The following RHEX variants were observed in gnomAD, a reference collection of about 807,000 sequenced individuals.
RHEX encodes the protein regulator of hemoglobinization and erythroid cell expansion, also known as regulator of hemoglobinization and erythroid cell expansion protein.
A neutral mutation model predicts 20.1 loss-of-function variants in RHEX; 18 were observed. That is an observed-to-expected ratio of 0.90 (90% CI 0.62 to 1.33). The LOEUF (loss-of-function observed/expected upper bound fraction) is 1.33. Among genes scored for constraint, RHEX ranks in the 40% most tolerant of loss-of-function variants. The pLI, the probability that RHEX is intolerant of heterozygous loss-of-function variation, is 0.00. For missense variants in RHEX, 192 were observed against 214.3 expected (o/e 0.90, Z 0.65); for synonymous variants, 87 against 77.1 (o/e 1.13, Z -0.67).
At chr1:206,091,743 G>A (rs1391708703) in intron 1 of RHEX, among the ~76,000 whole-genome samples, 1 of 152,132 alleles carries the variant, frequency 6.6e-6, no homozygotes, top group Non-Finnish European at 1.5e-5. Context: ...TATTTTTGTA[G>A]AGTGAGAGGA....
At chr1:206,079,100 A>T (rs1662690811) in intron 1 of RHEX, among the ~76,000 whole-genome samples, 1 of 152,232 alleles carries the variant, frequency 6.6e-6, no homozygotes, top group South Asian at 2.1e-4. Flanking sequence ...TTCATGATAT[A>T]TTCCTTGTAA....
chr1:206,075,725 C>T (rs547428569), intron 1 of RHEX, among the ~76,000 whole-genome samples: 4 of 151,890 alleles, frequency 2.6e-5, no homozygotes, highest in Non-Finnish European at 4.4e-5. Context: ...CTCAGCCTCC[C>T]GGTAGCTGGG....
At chr1:206,057,838 G>C (rs1662223395) in intron 1 of RHEX, among the ~76,000 whole-genome samples, 1 of 152,238 alleles carries the variant, frequency 6.6e-6, no homozygotes, top group Non-Finnish European at 1.5e-5. Flanking sequence ...TGTCTCATGG[G>C]GATATGGAAC....
intron 1 of RHEX, among the ~76,000 whole-genome samples, chr1:206,091,148 C>T (rs1207482927): frequency 6.6e-6 from 1 of 152,106 alleles, no homozygotes; most frequent in Non-Finnish European, 1.5e-5. Flanking sequence ...TTAGTTTTGT[C>T]CTCTGTTAAT....
intron 2 of RHEX, 121 bp downstream of exon 2, chr1:206,097,960 G>A: frequency 8.5e-7 from 1 of 1,170,394 alleles, no homozygotes; most frequent in Non-Finnish European, 1.3e-6. Flanking sequence ...AGAGGCAAAG[G>A]GACCTACCCT....
At chr1:206,055,974 CAT>C (rs1288512623) in intron 1 of RHEX, among the ~76,000 whole-genome samples, 1 of 152,274 alleles carries the variant, frequency 6.6e-6, no homozygotes, top group Non-Finnish European at 1.5e-5. Flanking sequence ...AAAACCTAAA[CAT>C]AAAGTCCCCC....
Position 206,095,109 on chromosome 1 carries a change from A to C in RHEX, c.-96-2624A>C, listed in dbSNP as rs1663038377. ...AGACAATAAGGACTTGTCTGGCTCC[A>C]AATGTCAGATACTACCGAGAAACAC... On this transcript the variant is annotated intron_variant, in intron 1 of 5. Transcript: ENST00000331555. Among the ~76,000 whole-genome samples, 4 of 152,152 alleles carry C rather than the reference A, an allele frequency of 2.6e-5. No individual in the cohort carries two copies. The South Asian group carries it at 8.3e-4, about 32-fold the overall frequency.
chr1:206,070,213 A>T (rs1662500269), intron 1 of RHEX, among the ~76,000 whole-genome samples: 1 of 152,086 alleles, frequency 6.6e-6, no homozygotes, highest in African/African-American at 2.4e-5. Context: ...CCCTCAGTAG[A>T]AGGGTCTATA....
chr1:206,091,944 A>G (rs995769962), intron 1 of RHEX, among the ~76,000 whole-genome samples: 2 of 152,116 alleles, frequency 1.3e-5, no homozygotes, highest in Admixed American at 1.3e-4. Context: ...TGTTCCTTAA[A>G]AGTTTGAAAC....
At position 206,100,813 on chromosome 1, in the gene RHEX, C is replaced by G. The variant is rs1260049907; in HGVS notation, c.257-323C>G. Among the ~76,000 whole-genome samples, 7 of 152,352 alleles carry G rather than the reference C, an allele frequency of 4.6e-5. No individual in the cohort carries two copies. The East Asian group carries it at 1.3e-3, about 29-fold the overall frequency. On this transcript the variant is annotated intron_variant, in intron 4 of 5. Coordinates refer to ENST00000331555, the MANE Select transcript of RHEX (RefSeq NM_001007544.4). ...CCTCCTGACTTTTCTTTCTGGAAGACAGCCCTTTCCAAGCACAGTCAACCT... is the reference window on the plus strand; with the variant it reads ...CCTCCTGACTTTTCTTTCTGGAAGAGAGCCCTTTCCAAGCACAGTCAACCT...
chr1:206,057,652 A>AT (rs1270231152), intron 1 of RHEX, among the ~76,000 whole-genome samples: 3 of 152,266 alleles, frequency 2.0e-5, no homozygotes, highest in African/African-American at 7.2e-5. Flanking sequence ...TAGCTGTGTA[A>AT]TTGGCACCAT....
At chr1:206,053,538 TG>T (rs1182440178) in intron 1 of RHEX, among the ~76,000 whole-genome samples, 1 of 152,184 alleles carries the variant, frequency 6.6e-6, no homozygotes, top group Non-Finnish European at 1.5e-5. Context: ...TGTGGTGTTT[TG>T]TCTCGAAGAA....
At chr1:206,070,034 G>A (rs1662497751) in intron 1 of RHEX, among the ~76,000 whole-genome samples, 2 of 150,912 alleles carry the variant, frequency 1.3e-5, no homozygotes, top group African/African-American at 4.9e-5. Context: ...GAAAAAAATA[G>A]CATTTACTAT....
intron 1 of RHEX, among the ~76,000 whole-genome samples, chr1:206,093,792 A>G (rs1663008360): frequency 6.6e-6 from 1 of 152,138 alleles, no homozygotes; most frequent in African/African-American, 2.4e-5. Flanking sequence ...GCCTTAACTC[A>G]AGTCTGAAGC....
chr1:206,070,322 G>T (rs993969023), intron 1 of RHEX, among the ~76,000 whole-genome samples: 2 of 152,204 alleles, frequency 1.3e-5, no homozygotes, highest in Admixed American at 6.5e-5. Context: ...AGTGCATTTT[G>T]CAGAATGAGT....
At position 206,101,829 on chromosome 1, in the gene RHEX, T is replaced by TGA; in HGVS notation, c.399_400dup (p.Asn134ArgfsTer3). 1 of 1,613,942 alleles carries TGA rather than the reference T, an allele frequency of 6.2e-7. No homozygotes were observed. On this transcript the variant is annotated frameshift_variant, in exon 6 of 6. Transcript: ENST00000331555. LOFTEE classifies it high-confidence loss of function. ...TAAAAAATGACTCCCCGCTGGACTA[T>TGA]GAGAACATAAAGGAAATCACAGATT...
chr1:206,099,728 A>G lies in RHEX; in HGVS notation c.186A>G (p.Pro62=). The G allele has an allele frequency of 6.2e-7, 1 of 1,613,872 alleles. No homozygotes were observed. The highest frequency in any genetic ancestry group is 8.5e-7 in the Non-Finnish European group (1 of 1,179,816). The change falls in exon 4 of 6, where the codon CCA becomes CCG. Residue 62 remains proline, a synonymous_variant. Coordinates refer to ENST00000331555, the MANE Select transcript of RHEX (RefSeq NM_001007544.4). ...GGCCCAGCCCTGGCCACCATCATCC[A>G]CCTGCTGTCAAAGAGATGAAGGAGA... is the stretch of plus-strand genomic sequence containing the variant. ...VPRPSPGHHH[P]PAVKEMKETQ... is the part of the protein sequence containing the mutation.
At chr1:206,055,040 A>C (rs892331449) in intron 1 of RHEX, among the ~76,000 whole-genome samples, 1 of 152,298 alleles carries the variant, frequency 6.6e-6, no homozygotes, top group African/African-American at 2.4e-5. Flanking sequence ...TGCACATGGC[A>C]GGCCAGAGGC....
chr1:206,072,829 C>CTT (rs71152466), intron 1 of RHEX, among the ~76,000 whole-genome samples: 16,138 of 121,514 alleles, frequency 0.13, 1,611 homozygotes, highest in African/African-American at 0.25. Context: ...CCTCCTGTGT[C>CTT]TTTTTTTTTT....
Sources: gnomAD v4.1 joint callset for allele counts (sites outside exome capture counted in the v4.1 genomes callset) on GRCh38, gnomAD v4.1.1 for gene constraint, MANE v1.5 for transcripts, NCBI Gene and HGNC (gene_info 2026-07-23, HGNC 2026-07-21) for gene names.